The following MSH3 variants were observed in gnomAD, a reference collection of about 807,000 sequenced individuals.
The protein encoded by MSH3 is mutS homolog 3, also known as DNA mismatch repair protein Msh3.
In MSH3, 106 loss-of-function variants were observed where a neutral mutation model predicts 123.3. That is an observed-to-expected ratio of 0.86 (90% CI 0.73 to 1.01). MSH3 has a LOEUF of 1.01. Among genes scored for constraint, MSH3 ranks in the 50% least tolerant of loss-of-function variants. The pLI is 0.00. For missense variants in MSH3, 1,459 were observed against 1,347.6 expected (o/e 1.08, Z -1.29); for synonymous variants, 515 against 481.4 (o/e 1.07, Z -0.91).
chr5:80,716,779 T>C (rs1022413979), intron 8 of MSH3, among the ~76,000 whole-genome samples: 2 of 152,206 alleles, frequency 1.3e-5, no homozygotes, highest in Admixed American at 6.5e-5. Flanking sequence ...AAACTATTGA[T>C]AACTGTAGTC....
intron 8 of MSH3, among the ~76,000 whole-genome samples, chr5:80,705,695 G>C (rs1017566318): frequency 5.8e-4 from 88 of 152,288 alleles, no homozygotes; most frequent in African/African-American, 1.9e-3. Context: ...GCTCCTTCTT[G>C]AGGACTGTGA....
intron 10 of MSH3, among the ~76,000 whole-genome samples, chr5:80,731,467 A>G (rs1033724304): frequency 7.2e-5 from 11 of 152,092 alleles, no homozygotes; most frequent in African/African-American, 2.6e-4. Context: ...TCTGCTTTGT[A>G]TATATTCCCA....
At chr5:80,775,636 G>T in intron 15 of MSH3, 58 bp from the exon 16 acceptor site, 3 of 996,222 alleles carry the variant, frequency 3.0e-6, no homozygotes, top group Non-Finnish European at 3.1e-6. Flanking sequence ...TTTGGGGAAA[G>T]CTTTAAAATA....
At chr5:80,735,640 G>A (rs930171821) in intron 10 of MSH3, among the ~76,000 whole-genome samples, 17 of 151,824 alleles carry the variant, frequency 1.1e-4, no homozygotes, top group Admixed American at 9.8e-4. Flanking sequence ...GCAGTGAGCC[G>A]ACATCGTACC....
intron 8 of MSH3, among the ~76,000 whole-genome samples, chr5:80,699,579 AAAG>A (rs1237526812): frequency 2.0e-5 from 3 of 151,052 alleles, no homozygotes; most frequent in Non-Finnish European, 3.0e-5. Flanking sequence ...AAAAAAAAAA[AAAG>A]GTTGTTGGAG....
chr5:80,872,353 G>T lies in MSH3; in HGVS notation c.3131-763G>T, dbSNP rs185171307. 6.4e-4 allele frequency among the ~76,000 whole-genome samples: 97 copies of T among 152,160 alleles called. 1 individual carries two copies. Among genetic ancestry groups the T allele is most frequent in the Admixed American group, 4.2e-3 (64 of 15,270 alleles). On this transcript the variant is annotated intron_variant, in intron 22 of 23. Coordinates refer to ENST00000265081, the MANE Select transcript of MSH3 (RefSeq NM_002439.5). ...GTGGTAGTATGCACCTGTAGTTTCA[G>T]CTACTCGGGAGGCTGAGATGGGATA...
chr5:80,753,537 A>G (rs961259264), intron 12 of MSH3, among the ~76,000 whole-genome samples: 1 of 152,180 alleles, frequency 6.6e-6, no homozygotes, highest in African/African-American at 2.4e-5. Flanking sequence ...CTGGGAATTG[A>G]GGAATCTCAA....
chr5:80,665,080 A>T, intron 2 of MSH3, 63 bp from the exon 3 acceptor site: 4 of 1,231,896 alleles, frequency 3.2e-6, no homozygotes, highest in Non-Finnish European at 4.7e-6. Flanking sequence ...TATGCTGGTT[A>T]TGAATTGACA....
chr5:80,708,346 T>C (rs1750765995), intron 8 of MSH3, among the ~76,000 whole-genome samples: 2 of 152,170 alleles, frequency 1.3e-5, no homozygotes, highest in East Asian at 3.8e-4. Flanking sequence ...GGTTCCTTTT[T>C]CTTTGTACGT....
chr5:80,739,300 A>G (rs898946086), intron 10 of MSH3, among the ~76,000 whole-genome samples: 13 of 152,240 alleles, frequency 8.5e-5, no homozygotes, highest in Admixed American at 8.5e-4. Flanking sequence ...CCATGAATTC[A>G]TGTGAACTCT....
At chr5:80,685,031 G>A (rs1029197614) in intron 8 of MSH3, among the ~76,000 whole-genome samples, 6 of 151,822 alleles carry the variant, frequency 4.0e-5, no homozygotes, top group Non-Finnish European at 7.4e-5. Flanking sequence ...CATGATAAAT[G>A]ATATTTTTAA....
intron 19 of MSH3, among the ~76,000 whole-genome samples, chr5:80,808,636 T>G (rs1744944957): frequency 6.6e-6 from 1 of 151,984 alleles, no homozygotes; most frequent in East Asian, 1.9e-4. Context: ...TTGATTTTTG[T>G]ATATCAATTA....
chr5:80,661,403 G>A (rs1271755188), intron 2 of MSH3, among the ~76,000 whole-genome samples: 5 of 151,970 alleles, frequency 3.3e-5, no homozygotes, highest in African/African-American at 9.7e-5. Flanking sequence ...CAAGTTCAGT[G>A]GTCTTTTTTT....
At chr5:80,775,799 T>C in intron 16 of MSH3, 41 bp downstream of exon 16, 1 of 1,078,468 alleles carries the variant, frequency 9.3e-7, no homozygotes, top group South Asian at 1.3e-5. Context: ...TGCATTATGA[T>C]GACATCTGTA....
At position 80,654,889 on chromosome 5, in the gene MSH3, T is replaced by TGCAGGGGCC. The variant is rs1554066045; in HGVS notation, c.166_167insGGGCCGCAG (p.Ala55_Ala56insGlyAlaAla). The TGCAGGGGCC allele has an allele frequency of 6.1e-6, 5 of 825,190 alleles. No homozygotes were observed. Among genetic ancestry groups the TGCAGGGGCC allele is most frequent in the Middle Eastern group, 9.4e-4 (2 of 2,128 alleles). 51.1% of individuals were successfully genotyped at this position (825,190 alleles called of 1,614,324 possible). On this transcript the variant is annotated inframe_insertion, in exon 1 of 24. Coordinates refer to ENST00000265081, the MANE Select transcript of MSH3 (RefSeq NM_002439.5). Reference sequence around the variant, plus strand: ...AGGTGGACCCTGGCGCTGCAGCGGCTGCAGCGGCCGCAGCGGCCGCAGCGC... The same window carrying TGCAGGGGCC: ...AGGTGGACCCTGGCGCTGCAGCGGCTGCAGGGGCCGCAGCGGCCGCAGCGGCCGCAGCGC...
At chr5:80,731,863 G>A (rs1743418621) in intron 10 of MSH3, among the ~76,000 whole-genome samples, 2 of 151,998 alleles carry the variant, frequency 1.3e-5, no homozygotes, top group Admixed American at 1.3e-4. Context: ...CTGAAGTTTT[G>A]GACTTTTATT....
intron 19 of MSH3, among the ~76,000 whole-genome samples, chr5:80,799,278 C>T (rs533181309): frequency 1.3e-5 from 2 of 152,216 alleles, no homozygotes; most frequent in Non-Finnish European, 2.9e-5. Flanking sequence ...TCTAGTTCAC[C>T]TTGGGTTAAA....
chr5:80,827,350 C>T (rs1580074547), intron 20 of MSH3, among the ~76,000 whole-genome samples: 1 of 152,198 alleles, frequency 6.6e-6, no homozygotes, highest in South Asian at 2.1e-4. Flanking sequence ...ATTCTGTGTA[C>T]TCAGAGTGGC....
chr5:80,751,389 G>A (rs1231753348), intron 12 of MSH3, among the ~76,000 whole-genome samples: 4 of 152,070 alleles, frequency 2.6e-5, no homozygotes, highest in Non-Finnish European at 5.9e-5. Context: ...TCTGATTTTC[G>A]ACAAACCCGA....
Sources: gnomAD v4.1 joint callset for allele counts (sites outside exome capture counted in the v4.1 genomes callset) on GRCh38, gnomAD v4.1.1 for gene constraint, MANE v1.5 for transcripts, NCBI Gene and HGNC (gene_info 2026-07-23, HGNC 2026-07-21) for gene names.